PLCXD3: variants seen among roughly 807,000 people sequenced by gnomAD.
PLCXD3 encodes PI-PLC X domain-containing protein 3.
A neutral mutation model predicts 25.5 loss-of-function variants in PLCXD3; 19 were observed. The ratio of observed to expected loss-of-function variants is 0.75; its 90% CI spans 0.52 to 1.09. The LOEUF is 1.09. Ranked by LOEUF, PLCXD3 falls within the 50% of genes least tolerant of loss-of-function variation. The pLI, the probability that PLCXD3 is intolerant of heterozygous loss-of-function variation, is 0.00. For missense variants in PLCXD3, 411 were observed against 388.1 expected (o/e 1.06, Z -0.50); for synonymous variants, 174 against 137.6 (o/e 1.26, Z -1.85).
chr5:41,422,596 A>G (rs1215817666), intron 1 of PLCXD3, among the ~76,000 whole-genome samples: 1 of 152,168 alleles, frequency 6.6e-6, no homozygotes, highest in Non-Finnish European at 1.5e-5. Flanking sequence ...TTGCGAGACA[A>G]TTGTCATCTT....
chr5:41,424,031 C>T (rs563591416), intron 1 of PLCXD3, among the ~76,000 whole-genome samples: 20 of 152,248 alleles, frequency 1.3e-4, no homozygotes, highest in African/African-American at 3.4e-4. Context: ...ACTATAGTCA[C>T]ACTGCTATAC....
chr5:41,369,694 G>T (rs1745037282), intron 2 of PLCXD3, among the ~76,000 whole-genome samples: 1 of 152,088 alleles, frequency 6.6e-6, no homozygotes, highest in South Asian at 2.1e-4. Flanking sequence ...GGCCATGCTG[G>T]TCTCAAACTC....
chr5:41,333,604 A>T (rs1048426917), intron 2 of PLCXD3, among the ~76,000 whole-genome samples: 4 of 152,148 alleles, frequency 2.6e-5, no homozygotes, highest in African/African-American at 9.6e-5. Context: ...TATCTGATTT[A>T]TGTCTGATGA....
chr5:41,314,095 C>T (rs890989744), intron 2 of PLCXD3, among the ~76,000 whole-genome samples: 3 of 152,180 alleles, frequency 2.0e-5, no homozygotes, highest in African/African-American at 7.2e-5. Context: ...TCATCACAAA[C>T]CCTGCAAAAC....
intron 1 of PLCXD3, among the ~76,000 whole-genome samples, chr5:41,488,682 A>G (rs1256678192): frequency 6.8e-6 from 1 of 146,774 alleles, no homozygotes; most frequent in Non-Finnish European, 1.5e-5. Flanking sequence ...ATGGCCAGTG[A>G]TGGTGAGCAT....
chr5:41,389,820 A>G (rs1745753887), intron 1 of PLCXD3, among the ~76,000 whole-genome samples: 1 of 152,200 alleles, frequency 6.6e-6, no homozygotes, highest in Non-Finnish European at 1.5e-5. Context: ...AGAATTTTTT[A>G]CATTGACATG....
At chr5:41,351,183 AAAAC>A (rs940189852) in intron 2 of PLCXD3, among the ~76,000 whole-genome samples, 2 of 152,198 alleles carry the variant, frequency 1.3e-5, no homozygotes, top group African/African-American at 4.8e-5. Flanking sequence ...GATATTTAAG[AAAAC>A]AAACAATCAG....
chr5:41,437,114 A>T lies in PLCXD3; in HGVS notation c.104-54580T>A, dbSNP rs1747273187. Among the ~76,000 whole-genome samples the T allele has an allele frequency of 2.6e-5, 4 of 152,272 alleles. No individual in the cohort carries two copies. The South Asian group carries it at 8.3e-4, about 32-fold the overall frequency. ...CTGTACTTATTTCCTCTTATCTTTT[A>T]TTTAATAAAATTATCCTAGTTGGAA... On this transcript the variant is annotated intron_variant, in intron 1 of 2. Coordinates refer to ENST00000377801, the MANE Select transcript of PLCXD3 (RefSeq NM_001005473.3).
At chr5:41,437,752 G>A (rs1326651898) in intron 1 of PLCXD3, among the ~76,000 whole-genome samples, 1 of 152,170 alleles carries the variant, frequency 6.6e-6, no homozygotes. Flanking sequence ...AAGCATTGGG[G>A]CAGCCACTGG....
intron 2 of PLCXD3, among the ~76,000 whole-genome samples, chr5:41,331,272 A>C (rs923794878): frequency 6.6e-6 from 1 of 152,176 alleles, no homozygotes; most frequent in Non-Finnish European, 1.5e-5. Context: ...ATCAATGTAC[A>C]AAAATCACAA....
At chr5:41,382,942 A>T (rs561470935) in intron 1 of PLCXD3, among the ~76,000 whole-genome samples, 27 of 152,190 alleles carry the variant, frequency 1.8e-4, no homozygotes, top group Non-Finnish European at 3.8e-4. Flanking sequence ...TTTTGGGTTG[A>T]TTTTAAGCCT....
chr5:41,492,620 G>A (rs1374451255), intron 1 of PLCXD3, among the ~76,000 whole-genome samples: 1 of 152,140 alleles, frequency 6.6e-6, no homozygotes, highest in Non-Finnish European at 1.5e-5. Flanking sequence ...ATTTCTTGGA[G>A]GCTTTGTTCG....
chr5:41,388,386 C>A (rs1371125665), intron 1 of PLCXD3, among the ~76,000 whole-genome samples: 1 of 151,916 alleles, frequency 6.6e-6, no homozygotes, highest in East Asian at 1.9e-4. Context: ...AAAAATTAAG[C>A]ATTAATAACA....
rs1396995698 is a variant in PLCXD3, at chr5:41,312,396, C to G, written c.*1221G>C. ...CATAATTTCAAACACATTGCTCTAA[C>G]TGCTTCTACCAGCCTTCCTCTTTCT... On this transcript the variant is annotated 3_prime_UTR_variant, in exon 3 of 3. Coordinates refer to ENST00000377801, the MANE Select transcript of PLCXD3 (RefSeq NM_001005473.3). The G allele has an allele frequency of 6.6e-6, 1 of 152,202 alleles. No homozygotes were observed. Among genetic ancestry groups the G allele is most frequent in the Non-Finnish European group, 1.5e-5 (1 of 68,022 alleles). 9.4% of individuals were successfully genotyped at this position (152,202 alleles called of 1,614,324 possible).
chr5:41,484,692 G>A (rs577936822), intron 1 of PLCXD3, among the ~76,000 whole-genome samples: 3 of 152,074 alleles, frequency 2.0e-5, no homozygotes, highest in Non-Finnish European at 2.9e-5. Flanking sequence ...TATAGGTAAC[G>A]GAATGATCAT....
At position 41,381,875 on chromosome 5, in the gene PLCXD3, T is replaced by C. The variant is rs775217244; in HGVS notation, c.763A>G (p.Thr255Ala). The change falls in exon 2 of 3, where the codon ACT becomes GCT. Residue 255 changes from threonine (T) to alanine (A), a missense_variant. Thr to Ala is a moderately conservative substitution (Grantham distance 58, BLOSUM62 0). Transcript: ENST00000377801. The part of the protein sequence containing the change: ...SQVVLTPKAS[T>A]VVKGVASGLR... ...CCACTTGCCACCCCTTTGACCACAGTGCTAGCTTTGGGGGTCAGCACCACC... is the reference window on the plus strand; with the variant it reads ...CCACTTGCCACCCCTTTGACCACAGCGCTAGCTTTGGGGGTCAGCACCACC... 1 of 1,613,040 alleles carries C rather than the reference T, an allele frequency of 6.2e-7. No homozygotes were observed. Among genetic ancestry groups the C allele is most frequent in the South Asian group, 1.1e-5 (1 of 91,020 alleles).
intron 2 of PLCXD3, among the ~76,000 whole-genome samples, chr5:41,380,510 C>T (rs1168844463): frequency 6.6e-6 from 1 of 152,038 alleles, no homozygotes; most frequent in African/African-American, 2.4e-5. Context: ...TATTATCTAG[C>T]TCCCCATTGC....
chr5:41,476,993 G>A (rs1283141701), intron 1 of PLCXD3, among the ~76,000 whole-genome samples: 2 of 152,074 alleles, frequency 1.3e-5, no homozygotes, highest in African/African-American at 2.4e-5. Context: ...TTCTGTCAAT[G>A]ACAATGTTCT....
intron 1 of PLCXD3, among the ~76,000 whole-genome samples, chr5:41,471,809 TCCCCTCCCGTCCCCTCCCCTCCCCTCCCC>T (rs1748166460): frequency 6.8e-4 from 4 of 5,922 alleles, no homozygotes; most frequent in Admixed American, 2.0e-3. Context: ...TCCCTTCCCC[TCCCCTCCCGTCCCCTCCCCTCCCCTCCCC>T]TCCCCTCCCC....
Sources: allele counts gnomAD v4.1 joint callset (sites outside exome capture counted in the v4.1 genomes callset), GRCh38; gene constraint gnomAD v4.1.1; transcripts MANE v1.5; gene names NCBI Gene and HGNC (gene_info 2026-07-23, HGNC 2026-07-21).